Variants in CDH18 observed in about 807,000 individuals in gnomAD.
CDH18 encodes the protein cadherin 18, also known as cadherin-18.
Under a neutral mutation model 67.9 loss-of-function variants are expected in CDH18, and 31 were observed. That is an observed-to-expected ratio of 0.46 (90% CI 0.34 to 0.62). CDH18 has a LOEUF of 0.62. Ranked by LOEUF, CDH18 falls within the 20% of genes least tolerant of loss-of-function variation. The pLI, the probability that CDH18 is intolerant of heterozygous loss-of-function variation, is 0.01. For synonymous variants in CDH18, 362 were observed against 347.2 expected (o/e 1.04, Z -0.48); for missense variants, 890 against 975.5 (o/e 0.91, Z 1.17).
intron 1 of CDH18, among the ~76,000 whole-genome samples, chr5:20,514,187 T>C (rs1469475704): frequency 6.6e-6 from 1 of 152,158 alleles, no homozygotes; most frequent in Non-Finnish European, 1.5e-5. Context: ...CCACATTTTG[T>C]TATTTTCCTA....
At chr5:19,607,614 C>A (rs1748265966) in intron 6 of CDH18, among the ~76,000 whole-genome samples, 1 of 151,068 alleles carries the variant, frequency 6.6e-6, no homozygotes, top group South Asian at 2.1e-4. Context: ...AATGATATAC[C>A]TAAATGAAAC....
At chr5:19,899,219 G>C (rs937533008) in intron 2 of CDH18, among the ~76,000 whole-genome samples, 7 of 151,992 alleles carry the variant, frequency 4.6e-5, no homozygotes, top group Non-Finnish European at 1.0e-4. Flanking sequence ...GACCAACATG[G>C]AGAAACCCCG....
At chr5:20,538,909 G>GTTTTTTTTTTTTT (rs35247774) in intron 1 of CDH18, among the ~76,000 whole-genome samples, 10 of 118,746 alleles carry the variant, frequency 8.4e-5, no homozygotes, top group African/African-American at 3.0e-4. Context: ...TTTTTTTTTT[G>GTTTTTTTTTTTTT]TTTTTTTTTT....
At chr5:20,230,295 C>T (rs114372082) in intron 2 of CDH18, among the ~76,000 whole-genome samples, 1,688 of 152,182 alleles carry the variant, frequency 0.011, 30 homozygotes, top group African/African-American at 0.038. Context: ...ATCCACTAAA[C>T]TCCTGCAGGG....
intron 1 of CDH18, among the ~76,000 whole-genome samples, chr5:20,477,202 T>A (rs1012356777): frequency 6.6e-6 from 1 of 151,612 alleles, no homozygotes; most frequent in Non-Finnish European, 1.5e-5. Context: ...CACACACACA[T>A]ACACACACCC....
chr5:19,828,556 T>C (rs1780667706), intron 3 of CDH18, among the ~76,000 whole-genome samples: 1 of 152,216 alleles, frequency 6.6e-6, no homozygotes, highest in African/African-American at 2.4e-5. Context: ...CAAGTAGGCT[T>C]TATGCCTGGG....
intron 2 of CDH18, among the ~76,000 whole-genome samples, chr5:20,025,251 T>C (rs1412496933): frequency 1.3e-5 from 2 of 152,180 alleles, no homozygotes; most frequent in Non-Finnish European, 2.9e-5. Flanking sequence ...TATTCATTTG[T>C]GGTCTGTGTT....
intron 5 of CDH18, among the ~76,000 whole-genome samples, chr5:19,627,819 T>C (rs1189635917): frequency 6.6e-6 from 1 of 152,176 alleles, no homozygotes; most frequent in Non-Finnish European, 1.5e-5. Context: ...CTTTCTAGGC[T>C]ATTTCAGGTA....
chr5:20,333,517 A>G (rs1431669062), intron 1 of CDH18, among the ~76,000 whole-genome samples: 1 of 131,636 alleles, frequency 7.6e-6, no homozygotes, highest in Non-Finnish European at 1.6e-5. Flanking sequence ...AAAAAAAAAA[A>G]ACAATATATA....
At chr5:20,332,431 G>A (rs1381537426) in intron 1 of CDH18, among the ~76,000 whole-genome samples, 6 of 152,196 alleles carry the variant, frequency 3.9e-5, no homozygotes, top group Non-Finnish European at 8.8e-5. Flanking sequence ...TGTAATAAAA[G>A]GTCATTCCTG....
chr5:19,891,143 C>T (rs1462107417), intron 2 of CDH18, among the ~76,000 whole-genome samples: 3 of 152,100 alleles, frequency 2.0e-5, no homozygotes, highest in Non-Finnish European at 4.4e-5. Flanking sequence ...TTACCTATCC[C>T]TGTTCTAAAT....
chr5:19,970,970 A>G (rs1797967042), intron 2 of CDH18, among the ~76,000 whole-genome samples: 1 of 151,898 alleles, frequency 6.6e-6, no homozygotes, highest in South Asian at 2.1e-4. Context: ...ATACATTATT[A>G]AAGTTTGTGC....
chr5:20,343,796 A>C (rs755760434), intron 1 of CDH18, among the ~76,000 whole-genome samples: 1 of 152,138 alleles, frequency 6.6e-6, no homozygotes, highest in Admixed American at 6.5e-5. Context: ...ACTTCCTTAC[A>C]TCTAATGGGT....
At chr5:20,560,527 A>G (rs1163657025) in intron 1 of CDH18, among the ~76,000 whole-genome samples, 3 of 150,776 alleles carry the variant, frequency 2.0e-5, no homozygotes, top group Non-Finnish European at 1.5e-5. Flanking sequence ...ACATTCACAA[A>G]TCCATTAAGA....
At chr5:20,215,187 T>C (rs944616292) in intron 2 of CDH18, among the ~76,000 whole-genome samples, 1 of 151,482 alleles carries the variant, frequency 6.6e-6, no homozygotes, top group African/African-American at 2.4e-5. Flanking sequence ...TCAAAAAATA[T>C]CAGACTAGAG....
At chr5:20,476,752 TGA>T (rs1752471142) in intron 1 of CDH18, among the ~76,000 whole-genome samples, 1 of 152,316 alleles carries the variant, frequency 6.6e-6, no homozygotes, top group African/African-American at 2.4e-5. Flanking sequence ...TATTTTTGCT[TGA>T]GAGTTTTTCT....
intron 6 of CDH18, among the ~76,000 whole-genome samples, chr5:19,599,046 G>A (rs1268433122): frequency 6.6e-6 from 1 of 152,034 alleles, no homozygotes; most frequent in African/African-American, 2.4e-5. Flanking sequence ...AAAATCATAT[G>A]ACTCAATTGA....
chr5:20,001,717 C>T lies in CDH18; in HGVS notation c.-517-9703G>A, dbSNP rs897827122. Among the ~76,000 whole-genome samples the T allele has an allele frequency of 5.9e-5, 9 of 152,130 alleles. No homozygotes were observed. The East Asian group carries it at 1.2e-3, about 20-fold the overall frequency. ...GTAGTGTGCTGAAATAATTTCTCTG[C>T]GGGTCTCTTGCGTTGTATAAGCCCA... On this transcript the variant is annotated intron_variant, in intron 2 of 14. Transcript: ENST00000507958.
chr5:20,492,128 T>C (rs951299668), intron 1 of CDH18, among the ~76,000 whole-genome samples: 13 of 152,226 alleles, frequency 8.5e-5, no homozygotes, highest in South Asian at 6.2e-4. Context: ...GGCCATACTG[T>C]ACCTCCCTTT....
Sources: gnomAD v4.1 joint callset for allele counts (sites outside exome capture counted in the v4.1 genomes callset) on GRCh38, gnomAD v4.1.1 for gene constraint, MANE v1.5 for transcripts, NCBI Gene and HGNC (gene_info 2026-07-23, HGNC 2026-07-21) for gene names.